CDH4: variants seen among roughly 807,000 people sequenced by gnomAD.
CDH4 encodes cadherin-4.
In CDH4, 33 loss-of-function variants were observed where a neutral mutation model predicts 86.0. The ratio of observed to expected loss-of-function variants is 0.38; its 90% CI spans 0.29 to 0.51. The LOEUF (loss-of-function observed/expected upper bound fraction) is 0.51, where lower values mean the gene tolerates loss of function less well. Among genes scored for constraint, CDH4 ranks in the 20% least tolerant of loss-of-function variants. CDH4 has a pLI of 0.86. For missense variants in CDH4, 1,114 were observed against 1,307.4 expected, an observed-to-expected ratio of 0.85 and a Z score of 2.28; for synonymous variants, 555 against 549.4, an observed-to-expected ratio of 1.01 and a Z score of -0.14.
chr20:61,725,664 C>G (rs947633132), intron 2 of CDH4, among the ~76,000 whole-genome samples: 3 of 152,042 alleles, frequency 2.0e-5, no homozygotes, highest in Admixed American at 6.5e-5. Context: ...AGAAACCAAC[C>G]CTGGACGCCC....
At chr20:61,421,167 G>T (rs1388773557) in intron 2 of CDH4, among the ~76,000 whole-genome samples, 1 of 152,230 alleles carries the variant, frequency 6.6e-6, no homozygotes, top group Admixed American at 6.5e-5. Context: ...GGGGACACAA[G>T]GTAGGCTCCT....
At chr20:61,769,927 C>G (rs2088754247) in intron 3 of CDH4, among the ~76,000 whole-genome samples, 1 of 152,190 alleles carries the variant, frequency 6.6e-6, no homozygotes, top group African/African-American at 2.4e-5. Context: ...TGCTATCTGT[C>G]TGGGGCTAGG....
intron 8 of CDH4, among the ~76,000 whole-genome samples, chr20:61,903,540 T>TTAAAAAAAAAA (rs386394189): frequency 1.1e-5 from 1 of 90,886 alleles, no homozygotes; most frequent in African/African-American, 4.7e-5. Flanking sequence ...AGAGACTCCA[T>TTAAAAAAAAAA]AAAAAAAAAA....
At chr20:61,923,164 G>GC (rs576807414) in intron 9 of CDH4, among the ~76,000 whole-genome samples, 2 of 152,186 alleles carry the variant, frequency 1.3e-5, no homozygotes, top group African/African-American at 4.8e-5. Flanking sequence ...GGGGGCTGCA[G>GC]CCCCCCCAGG....
intron 3 of CDH4, among the ~76,000 whole-genome samples, chr20:61,749,425 A>G (rs1184531418): frequency 6.6e-6 from 1 of 152,364 alleles, no homozygotes. Flanking sequence ...ATTTTTAAGT[A>G]TAGACAGAAC....
chr20:61,405,179 C>A (rs2085074560), intron 2 of CDH4, among the ~76,000 whole-genome samples: 1 of 152,038 alleles, frequency 6.6e-6, no homozygotes, highest in African/African-American at 2.4e-5. Flanking sequence ...CCTTTCGACC[C>A]TGCCTCCCTC....
At chr20:61,498,325 G>A (rs993554456) in intron 2 of CDH4, among the ~76,000 whole-genome samples, 1 of 152,184 alleles carries the variant, frequency 6.6e-6, no homozygotes, top group South Asian at 2.1e-4. Flanking sequence ...TGAAAAAGGA[G>A]TTTCAGAATG....
At chr20:61,718,714 T>C (rs1182573779) in intron 2 of CDH4, 2 of 436,516 alleles carry the variant, frequency 4.6e-6, no homozygotes, top group South Asian at 3.4e-5. Context: ...CTTACTCAAC[T>C]GAAACAGGGC....
chr20:61,354,310 C>G (rs977369078), intron 2 of CDH4, among the ~76,000 whole-genome samples: 3 of 152,178 alleles, frequency 2.0e-5, no homozygotes, highest in African/African-American at 7.2e-5. Flanking sequence ...CCCCAAGACC[C>G]TGGAGTCAAA....
At chr20:61,528,907 C>A (rs1480435529) in intron 2 of CDH4, among the ~76,000 whole-genome samples, 2 of 148,372 alleles carry the variant, frequency 1.3e-5, no homozygotes, top group African/African-American at 5.0e-5. Flanking sequence ...TTACAGATTT[C>A]TTACGGTCCA....
At chr20:61,268,227 C>A (rs887095436) in intron 2 of CDH4, among the ~76,000 whole-genome samples, 1 of 152,192 alleles carries the variant, frequency 6.6e-6, no homozygotes, top group Admixed American at 6.5e-5. Flanking sequence ...CATCTCGGGT[C>A]CACCCACCTC....
chr20:61,578,791 T>G (rs1402552268), intron 2 of CDH4, among the ~76,000 whole-genome samples: 1 of 152,180 alleles, frequency 6.6e-6, no homozygotes, highest in Non-Finnish European at 1.5e-5. Flanking sequence ...TCCGGTCCAT[T>G]CTGCCTTACA....
rs895913900 is a variant in CDH4 at position 61,570,489 on chromosome 20, G to C, written c.170-173074G>C. 3 of 579,490 alleles carry C rather than the reference G, an allele frequency of 5.2e-6. No individual in the cohort carries two copies. The African/African-American group carries it at 5.6e-5, about 11-fold the overall frequency. The allele number at this position is 579,490 out of a possible 1,614,324, so 35.9% of individuals were successfully genotyped here. A position where few individuals can be genotyped will look rare whatever the true frequency, so the allele number is the denominator to read the frequency against. On this transcript the variant is annotated intron_variant, in intron 2 of 15. Coordinates refer to ENST00000614565, the MANE Select transcript of CDH4 (RefSeq NM_001794.5). ...TCTTCCCAGAGGCTGGGTCTCCCTC[G>C]CAGCCCCTGCTCTCAAGGATGGGAA...
chr20:61,760,428 C>G (rs926521009), intron 3 of CDH4, among the ~76,000 whole-genome samples: 2 of 152,268 alleles, frequency 1.3e-5, no homozygotes, highest in East Asian at 1.9e-4. Flanking sequence ...CCTCCATGCT[C>G]TGTGTCCTGT....
rs768531649 is a variant in CDH4 at position 61,928,322 on chromosome 20, C to T, written c.1904C>T (p.Ala635Val). 6 of 1,609,672 alleles carry T rather than the reference C, an allele frequency of 3.7e-6. No homozygotes were observed. The highest frequency in any genetic ancestry group is 4.5e-5 in the East Asian group (2 of 44,880). Residue 635 changes from alanine (A) to valine (V), a missense_variant, in exon 12 of 16, where the codon GCG becomes GTG. Physicochemically the swap from Ala to Val is moderately conservative, Grantham distance 64. Transcript: ENST00000614565. The part of the protein sequence containing the change: ...KPNLNAINIT[A>V]ADADVDPNIG... ...AACCTGAACGCCATCAACATCACGG[C>T]GGCCGACGCTGACGTCGACCCCAAC...
chr20:61,850,458 C>G (rs1009048360), intron 5 of CDH4, among the ~76,000 whole-genome samples: 3 of 152,176 alleles, frequency 2.0e-5, no homozygotes, highest in African/African-American at 7.2e-5. Flanking sequence ...GGAACCCACA[C>G]CCACAATTAA....
At chr20:61,271,060 C>A (rs1195395138) in intron 2 of CDH4, among the ~76,000 whole-genome samples, 1 of 152,166 alleles carries the variant, frequency 6.6e-6, no homozygotes, top group Non-Finnish European at 1.5e-5. Flanking sequence ...ATGGCAGTGA[C>A]AGGCTTTTGG....
Position 61,455,441 on chromosome 20 carries a change from G to GC in CDH4, c.169+200505dup, listed in dbSNP as rs146106104. On this transcript the variant is annotated intron_variant, in intron 2 of 15. Transcript: ENST00000614565. ...GTGAAGAGCTCTAGGAAATTTCTGA[G>GC]CTGCACAAAGGACAGCTTCCCTTCT... Among the ~76,000 whole-genome samples the GC allele has an allele frequency of 7.5e-3, 1,141 of 152,338 alleles. 18 individuals are homozygous for GC. The highest frequency in any genetic ancestry group is 0.026 in the African/African-American group (1,066 of 41,578).
At chr20:61,380,162 G>A (rs1276856664) in intron 2 of CDH4, among the ~76,000 whole-genome samples, 1 of 152,122 alleles carries the variant, frequency 6.6e-6, no homozygotes, top group African/African-American at 2.4e-5. Context: ...GAGACTGCTC[G>A]ATGCTTCAAA....
Sources: allele counts gnomAD v4.1 joint callset (sites outside exome capture counted in the v4.1 genomes callset), GRCh38; gene constraint gnomAD v4.1.1; transcripts MANE v1.5; gene names NCBI Gene and HGNC (gene_info 2026-07-23, HGNC 2026-07-21).